Variants in FOXP2 observed in about 807,000 individuals in gnomAD.
FOXP2 encodes forkhead box P2.
In FOXP2, 12 loss-of-function variants were observed where a neutral mutation model predicts 115.8. That is an observed-to-expected ratio of 0.10 (90% CI 0.07 to 0.17). The LOEUF is 0.17. FOXP2 is among the 10% of genes least tolerant of loss of function. FOXP2 has a pLI of 1.00. For missense variants in FOXP2, 629 were observed against 843.5 expected (o/e 0.75, Z 3.15); for synonymous variants, 328 against 297.7 (o/e 1.10, Z -1.05).
At chr7:114,198,569 G>A (rs1352248087) in intron 1 of FOXP2, among the ~76,000 whole-genome samples, 1 of 152,176 alleles carries the variant, frequency 6.6e-6, no homozygotes, top group Admixed American at 6.5e-5. Context: ...ACTTCCGTGG[G>A]AATCGAATGC....
At chr7:114,144,825 A>G (rs904849334) in intron 1 of FOXP2, among the ~76,000 whole-genome samples, 3 of 152,184 alleles carry the variant, frequency 2.0e-5, no homozygotes, top group African/African-American at 7.2e-5. Context: ...TTTGAGTACA[A>G]CAGTAACATG....
At chr7:114,412,110 T>C (rs1008311596), upstream of FOXP2, among the ~76,000 whole-genome samples, 2 of 152,104 alleles carry the variant, frequency 1.3e-5, no homozygotes, top group Non-Finnish European at 1.5e-5. Flanking sequence ...AAAGATTTGC[T>C]ATTGGAAGAA....
chr7:114,475,615 T>C (rs2129233326), intron 2 of FOXP2, among the ~76,000 whole-genome samples: 1 of 152,120 alleles, frequency 6.6e-6, no homozygotes, highest in South Asian at 2.1e-4. Flanking sequence ...AAGAGAGATG[T>C]CCTTGGTGCC....
upstream of FOXP2, among the ~76,000 whole-genome samples, chr7:114,412,091 A>G (rs1230025023): frequency 6.6e-6 from 1 of 152,170 alleles, no homozygotes; most frequent in Non-Finnish European, 1.5e-5. Flanking sequence ...GAAATTAAAA[A>G]ATATTTTTAA....
chr7:114,626,448 G>A lies in FOXP2; in HGVS notation c.259-2092G>A, dbSNP rs117266232. 2.2e-3 allele frequency among the ~76,000 whole-genome samples: 341 copies of A among 151,720 alleles called. 1 individual carries two copies. The highest frequency in any genetic ancestry group is 3.3e-3 in the Non-Finnish European group (222 of 67,676). ...GGAATAATTAAGGGATAATTAAAACGCTATATACTGAAAAAATAAGGAGCG... is the reference window on the plus strand; with the variant it reads ...GGAATAATTAAGGGATAATTAAAACACTATATACTGAAAAAATAAGGAGCG... On this transcript the variant is annotated intron_variant, in intron 3 of 16. Coordinates refer to ENST00000350908, the MANE Select transcript of FOXP2 (RefSeq NM_014491.4).
At chr7:114,245,382 T>C (rs1795256289) in intron 1 of FOXP2, among the ~76,000 whole-genome samples, 1 of 152,236 alleles carries the variant, frequency 6.6e-6, no homozygotes, top group Non-Finnish European at 1.5e-5. Flanking sequence ...AGCAGTTTTT[T>C]TGTGGTACTG....
At chr7:114,304,836 T>C (rs1796972950) in intron 2 of FOXP2, among the ~76,000 whole-genome samples, 1 of 152,116 alleles carries the variant, frequency 6.6e-6, no homozygotes, top group East Asian at 1.9e-4. Context: ...TCCACAAAAA[T>C]GGTTTGAAAT....
At chr7:114,239,890 G>A (rs936067216) in intron 1 of FOXP2, among the ~76,000 whole-genome samples, 3 of 152,094 alleles carry the variant, frequency 2.0e-5, no homozygotes, top group Non-Finnish European at 2.9e-5. Flanking sequence ...TGATGTTTAT[G>A]TCAAACTTTT....
intron 4 of FOXP2, 184 bp from the exon 5 acceptor site, chr7:114,629,621 C>A: frequency 6.4e-7 from 1 of 1,572,492 alleles, no homozygotes; most frequent in Middle Eastern, 1.7e-4. Context: ...TGGAAAATTT[C>A]AGAGCTGCCT....
chr7:114,513,459 T>A (rs1798174137), intron 2 of FOXP2, among the ~76,000 whole-genome samples: 1 of 152,116 alleles, frequency 6.6e-6, no homozygotes, highest in Non-Finnish European at 1.5e-5. Flanking sequence ...AAAAAATAGA[T>A]ATTCTTAGAC....
intron 1 of FOXP2, among the ~76,000 whole-genome samples, chr7:114,115,473 T>A (rs2129142818): frequency 6.6e-6 from 1 of 152,218 alleles, no homozygotes; most frequent in Non-Finnish European, 1.5e-5. Context: ...CCTGTCTCCT[T>A]TCCCCTGGCT....
chr7:114,647,457 G>T (rs145743487), intron 8 of FOXP2, among the ~76,000 whole-genome samples: 1 of 150,836 alleles, frequency 6.6e-6, no homozygotes, highest in Admixed American at 6.6e-5. Context: ...TTTAATTGAG[G>T]CACTCTTTTC....
intron 1 of FOXP2, among the ~76,000 whole-genome samples, chr7:114,089,696 C>T (rs1348011367): frequency 6.6e-6 from 1 of 151,256 alleles, no homozygotes; most frequent in Non-Finnish European, 1.5e-5. Flanking sequence ...TTCTAGAAAC[C>T]TAAAATAGGG....
chr7:114,278,136 C>T (rs1388547771), intron 1 of FOXP2, among the ~76,000 whole-genome samples: 1 of 148,746 alleles, frequency 6.7e-6, no homozygotes, highest in African/African-American at 2.5e-5. Flanking sequence ...AATAAATAAG[C>T]AATATAAGCA....
rs549281675 is a variant in FOXP2, at chr7:114,625,513, A to G, written c.259-3027A>G. Reference sequence around the variant, plus strand: ...TGATTTCGTCTATTTAAATATTGGTAAGTAGTATAATCTCTACATTTTTAT... The same window carrying G: ...TGATTTCGTCTATTTAAATATTGGTGAGTAGTATAATCTCTACATTTTTAT... On this transcript the variant is annotated intron_variant, in intron 3 of 16. Coordinates refer to ENST00000350908, the MANE Select transcript of FOXP2 (RefSeq NM_014491.4). 3.3e-5 allele frequency among the ~76,000 whole-genome samples: 5 copies of G among 151,990 alleles called. No individual in the cohort carries two copies. In the East Asian group the frequency reaches 9.6e-4, roughly 29 times the overall value.
intron 2 of FOXP2, among the ~76,000 whole-genome samples, chr7:114,532,983 ATAAAG>A (rs1461745550): frequency 1.3e-5 from 2 of 152,120 alleles, no homozygotes; most frequent in Non-Finnish European, 2.9e-5. Context: ...CCTTGTGATA[ATAAAG>A]TAATTACAGA....
rs1178491246 is a variant in FOXP2 at position 114,658,225 on chromosome 7, C to A, written c.1426C>A (p.Arg476=). The change falls in exon 11 of 17, where the codon CGA becomes AGA. Residue 476 remains arginine (R), a synonymous_variant. Transcript: ENST00000350908. The part of the protein sequence containing the change: ...PASVPNVGAI[R]RRHSDKYNIP... ...CAGTGTGCCCAATGTGGGAGCCATACGAAGGCGACATTCAGACAAATACAA... is the reference window on the plus strand; with the variant it reads ...CAGTGTGCCCAATGTGGGAGCCATAAGAAGGCGACATTCAGACAAATACAA... 6.2e-7 allele frequency: 1 copy of A among 1,613,724 alleles called. No homozygotes were observed. Among genetic ancestry groups the A allele is most frequent in the Non-Finnish European group, 8.5e-7 (1 of 1,179,834 alleles).
intron 2 of FOXP2, among the ~76,000 whole-genome samples, chr7:114,453,413 G>C (rs1477846954): frequency 6.6e-6 from 1 of 151,962 alleles, no homozygotes; most frequent in Non-Finnish European, 1.5e-5. Context: ...ACATAATCTG[G>C]TACATTGTAG....
intron 1 of FOXP2, among the ~76,000 whole-genome samples, chr7:114,418,683 A>C (rs370387932): frequency 6.6e-6 from 1 of 151,916 alleles, no homozygotes; most frequent in Non-Finnish European, 1.5e-5. Context: ...GTTCAAAAAA[A>C]AAAGCTATAC....
Sources: gnomAD v4.1 joint callset for allele counts (sites outside exome capture counted in the v4.1 genomes callset) on GRCh38, gnomAD v4.1.1 for gene constraint, MANE v1.5 for transcripts, NCBI Gene and HGNC (gene_info 2026-07-23, HGNC 2026-07-21) for gene names.